Variants in CCDC91 observed in about 807,000 individuals in gnomAD.
CCDC91 encodes coiled-coil domain-containing protein 91.
Under a neutral mutation model 63.2 loss-of-function variants are expected in CCDC91, and 48 were observed. The ratio of observed to expected loss-of-function variants is 0.76; its 90% CI spans 0.60 to 0.97. The LOEUF is 0.97. Among genes scored for constraint, CCDC91 ranks in the 50% least tolerant of loss-of-function variants. The pLI, the probability that CCDC91 is intolerant of heterozygous loss-of-function variation, is 0.00. For missense variants in CCDC91, 500 were observed against 494.6 expected (o/e 1.01, Z -0.10); for synonymous variants, 167 against 165.8 (o/e 1.01, Z -0.06).
At chr12:28,283,938 G>A (rs540518774) in intron 3 of CCDC91, among the ~76,000 whole-genome samples, 3 of 152,048 alleles carry the variant, frequency 2.0e-5, no homozygotes, top group Admixed American at 6.5e-5. Flanking sequence ...AATTTAGTGG[G>A]GGTATGTTTG....
chr12:28,512,203 G>T (rs757440030), intron 12 of CCDC91, among the ~76,000 whole-genome samples: 1 of 151,556 alleles, frequency 6.6e-6, no homozygotes, highest in Non-Finnish European at 1.5e-5. Context: ...TTTTGTATTT[G>T]CAAGGGAAAA....
chr12:28,298,802 T>G lies in CCDC91; in HGVS notation c.110-6847T>G, dbSNP rs570266303. ...CACATATATATATATATAAGAGCTTTGCTTGTTTATGTGCTTTATAAAAAT... is the reference window on the plus strand; with the variant it reads ...CACATATATATATATATAAGAGCTTGGCTTGTTTATGTGCTTTATAAAAAT... On this transcript the variant is annotated intron_variant, in intron 3 of 12. Transcript: ENST00000536442. Among the ~76,000 whole-genome samples the G allele has an allele frequency of 4.0e-5, 6 of 151,186 alleles. 1 individual carries two copies. The South Asian group carries it at 1.0e-3, about 26-fold the overall frequency.
At chr12:28,521,459 A>C (rs993310344) in intron 12 of CCDC91, among the ~76,000 whole-genome samples, 3 of 152,136 alleles carry the variant, frequency 2.0e-5, no homozygotes, top group African/African-American at 7.2e-5. Flanking sequence ...TTATGAGCTT[A>C]AGGAGATTTG....
chr12:28,502,959 A>C (rs999310872), intron 12 of CCDC91, among the ~76,000 whole-genome samples: 8 of 150,556 alleles, frequency 5.3e-5, no homozygotes, highest in Admixed American at 2.7e-4. Flanking sequence ...CTTAAACGTT[A>C]GACCTAAAAC....
intron 12 of CCDC91, among the ~76,000 whole-genome samples, chr12:28,513,064 G>A (rs1385924469): frequency 6.6e-6 from 1 of 151,796 alleles, no homozygotes; most frequent in Non-Finnish European, 1.5e-5. Flanking sequence ...GCAGAAACAG[G>A]ACAGGATTAA....
intron 11 of CCDC91, among the ~76,000 whole-genome samples, chr12:28,482,216 C>T (rs1951484738): frequency 6.6e-6 from 1 of 151,842 alleles, no homozygotes; most frequent in Non-Finnish European, 1.5e-5. Flanking sequence ...ATTTGAATAA[C>T]TTCAAATTCT....
intron 12 of CCDC91, among the ~76,000 whole-genome samples, chr12:28,518,581 A>G (rs1205092067): frequency 6.6e-6 from 1 of 151,244 alleles, no homozygotes; most frequent in African/African-American, 2.4e-5. Context: ...GATTGTGAAG[A>G]TTTTCTCCCA....
At chr12:28,334,056 G>GTGTGTGTA (rs1555186631) in intron 6 of CCDC91, among the ~76,000 whole-genome samples, 9 of 151,960 alleles carry the variant, frequency 5.9e-5, no homozygotes, top group Non-Finnish European at 7.4e-5. Flanking sequence ...GTGTGTGTGT[G>GTGTGTGTA]TGTGTATGTG....
intron 6 of CCDC91, among the ~76,000 whole-genome samples, chr12:28,352,170 C>T (rs539110333): frequency 1.3e-5 from 2 of 152,136 alleles, no homozygotes; most frequent in Non-Finnish European, 2.9e-5. Flanking sequence ...TGCTAAAAAT[C>T]ACCTGAGCTT....
intron 1 of CCDC91, chr12:28,236,491 A>G (rs1944957700): frequency 6.6e-6 from 1 of 151,964 alleles, no homozygotes. Flanking sequence ...TTATGGTAAT[A>G]TATCTTTTCT....
At chr12:28,388,150 A>C (rs1945717923) in intron 7 of CCDC91, among the ~76,000 whole-genome samples, 1 of 151,890 alleles carries the variant, frequency 6.6e-6, no homozygotes, top group Non-Finnish European at 1.5e-5. Context: ...CATTTTTTTC[A>C]TATGTTTGTT....
intron 8 of CCDC91, among the ~76,000 whole-genome samples, chr12:28,396,179 C>T (rs1370959026): frequency 4.6e-5 from 7 of 152,080 alleles, no homozygotes; most frequent in Non-Finnish European, 7.4e-5. Context: ...TAAGTGAGGT[C>T]AGAACTGAGA....
chr12:28,257,328 C>A, intron 2 of CCDC91, 83 bp downstream of exon 2: 1 of 781,912 alleles, frequency 1.3e-6, no homozygotes, highest in Non-Finnish European at 2.2e-6. Context: ...TATTATATTT[C>A]ATTGGCATTC....
chr12:28,415,243 G>A (rs1356386035), intron 8 of CCDC91, among the ~76,000 whole-genome samples: 2 of 147,792 alleles, frequency 1.4e-5, no homozygotes, highest in African/African-American at 2.5e-5. Flanking sequence ...TTTTTTTTGA[G>A]ATGGAGTTTT....
chr12:28,333,572 G>T (rs1248777609), intron 6 of CCDC91, among the ~76,000 whole-genome samples: 1 of 151,998 alleles, frequency 6.6e-6, no homozygotes. Flanking sequence ...CTCCATCTGG[G>T]AACAGATGGC....
chr12:28,219,907 T>C (rs1477118663), intron 1 of CCDC91, among the ~76,000 whole-genome samples: 1 of 152,326 alleles, frequency 6.6e-6, no homozygotes, highest in Non-Finnish European at 1.5e-5. Flanking sequence ...TTGTATAATA[T>C]GAATATAGAC....
At chr12:28,205,785 G>T (rs564472856) in intron 1 of CCDC91, among the ~76,000 whole-genome samples, 4 of 152,294 alleles carry the variant, frequency 2.6e-5, no homozygotes, top group Admixed American at 2.6e-4. Context: ...TTTCAGTCTT[G>T]TCAACCTATT....
intron 7 of CCDC91, among the ~76,000 whole-genome samples, chr12:28,366,216 C>T (rs1364145411): frequency 6.6e-6 from 1 of 151,790 alleles, no homozygotes; most frequent in Non-Finnish European, 1.5e-5. Context: ...GAAAGTAAGA[C>T]AGAAACAGGC....
intron 11 of CCDC91, among the ~76,000 whole-genome samples, chr12:28,481,028 A>G (rs546364201): frequency 6.6e-6 from 1 of 152,014 alleles, no homozygotes; most frequent in African/African-American, 2.4e-5. Context: ...GACATTCAAC[A>G]TGACCTATTT....
Sources: gnomAD v4.1 joint callset for allele counts (sites outside exome capture counted in the v4.1 genomes callset) on GRCh38, gnomAD v4.1.1 for gene constraint, MANE v1.5 for transcripts, NCBI Gene and HGNC (gene_info 2026-07-23, HGNC 2026-07-21) for gene names.